AFAP1: variants seen among roughly 807,000 people sequenced by gnomAD.
AFAP1 encodes actin filament associated protein 1.
Under a neutral mutation model 93.9 loss-of-function variants are expected in AFAP1, and 75 were observed. That is an observed-to-expected ratio of 0.80 (90% CI 0.66 to 0.97). The LOEUF (loss-of-function observed/expected upper bound fraction) is 0.97, where lower values mean the gene tolerates loss of function less well. AFAP1 is among the 50% of genes least tolerant of loss of function. The probability of loss-of-function intolerance (pLI) is 0.00; values close to 1 mark genes in which losing one functional copy is unlikely to be tolerated. For missense variants in AFAP1, 1,201 were observed against 1,050.8 expected, an observed-to-expected ratio of 1.14 and a Z score of -1.98; for synonymous variants, 517 against 430.7, an observed-to-expected ratio of 1.20 and a Z score of -2.48.
intron 11 of AFAP1, chr4:7,788,735 T>C (rs1051837374): frequency 3.9e-5 from 6 of 152,210 alleles, no homozygotes; most frequent in African/African-American, 1.4e-4. Context: ...TATGTATACT[T>C]TCTGTCAGCG....
chr4:7,917,044 G>A (rs1419375890), intron 1 of AFAP1, among the ~76,000 whole-genome samples: 2 of 152,192 alleles, frequency 1.3e-5, no homozygotes, highest in Non-Finnish European at 2.9e-5. Flanking sequence ...GTTTGAGCAA[G>A]CAGCTTTGCT....
At chr4:7,798,359 C>T (rs113124605) in intron 10 of AFAP1, among the ~76,000 whole-genome samples, 5 of 126,056 alleles carry the variant, frequency 4.0e-5, no homozygotes, top group Admixed American at 9.0e-5. Flanking sequence ...AGCACTGCAA[C>T]TCTATTGGCT....
At chr4:7,855,341 A>T in intron 4 of AFAP1, 125 bp downstream of exon 4, 1 of 721,572 alleles carries the variant, frequency 1.4e-6, no homozygotes. Flanking sequence ...CTTTGGGTTC[A>T]AAAAGTACTT....
intron 1 of AFAP1, among the ~76,000 whole-genome samples, chr4:7,931,546 ATT>A (rs376570405): frequency 1.2e-4 from 16 of 138,028 alleles, no homozygotes; most frequent in Non-Finnish European, 1.4e-4. Context: ...CACGCCCAGC[ATT>A]TTTTTTTTTT....
At chr4:7,842,955 G>C in intron 5 of AFAP1, 184 bp downstream of exon 5, 3 of 615,598 alleles carry the variant, frequency 4.9e-6, no homozygotes, top group Non-Finnish European at 8.5e-6. Context: ...CACAACACGG[G>C]CGAGTGCTCC....
At chr4:7,845,413 T>C (rs947110237) in intron 4 of AFAP1, among the ~76,000 whole-genome samples, 3 of 132,338 alleles carry the variant, frequency 2.3e-5, no homozygotes, top group Non-Finnish European at 5.5e-5. Flanking sequence ...CAGAACAAGA[T>C]TATTATTATT....
At chr4:7,866,642 G>A (rs1201447933) in intron 3 of AFAP1, among the ~76,000 whole-genome samples, 1 of 152,190 alleles carries the variant, frequency 6.6e-6, no homozygotes, top group East Asian at 1.9e-4. Context: ...GCCAGAAGAG[G>A]AAGCCAGAAA....
At chr4:7,840,265 T>TGTGTGTGTGTGCGC (rs1553844321) in intron 5 of AFAP1, among the ~76,000 whole-genome samples, 1 of 69,946 alleles carries the variant, frequency 1.4e-5, no homozygotes, top group Non-Finnish European at 3.1e-5. Context: ...TTTTGGGATG[T>TGTGTGTGTGTGCGC]GTGTGTGTGT....
At chr4:7,822,182 CCT>C (rs1408210802) in intron 6 of AFAP1, among the ~76,000 whole-genome samples, 17 of 152,292 alleles carry the variant, frequency 1.1e-4, no homozygotes, top group Non-Finnish European at 1.9e-4. Context: ...ATGGAAAACT[CCT>C]GAGCTTCTAC....
chr4:7,875,759 AAAAG>A (rs1717461804), intron 1 of AFAP1, among the ~76,000 whole-genome samples: 1 of 152,262 alleles, frequency 6.6e-6, no homozygotes, highest in Non-Finnish European at 1.5e-5. Flanking sequence ...TCATCCATTA[AAAAG>A]AAAAAAATTC....
At chr4:7,861,728 C>G (rs1036268573) in intron 3 of AFAP1, among the ~76,000 whole-genome samples, 1 of 152,194 alleles carries the variant, frequency 6.6e-6, no homozygotes, top group Non-Finnish European at 1.5e-5. Flanking sequence ...GAATTGAAAA[C>G]AAAGATGCCA....
intron 1 of AFAP1, among the ~76,000 whole-genome samples, chr4:7,922,896 G>T (rs1396170234): frequency 6.6e-6 from 1 of 152,034 alleles, no homozygotes; most frequent in Non-Finnish European, 1.5e-5. Flanking sequence ...CAGGAGGCTG[G>T]GGCAGGAGGA....
chr4:7,903,461 C>T (rs1378290821), intron 1 of AFAP1, among the ~76,000 whole-genome samples: 1 of 152,248 alleles, frequency 6.6e-6, no homozygotes, highest in Non-Finnish European at 1.5e-5. Flanking sequence ...ATGCAGATCA[C>T]CTGAGTTCAG....
chr4:7,775,161 A>C, intron 14 of AFAP1: 1 of 411,718 alleles, frequency 2.4e-6, no homozygotes, highest in African/African-American at 2.0e-5. Flanking sequence ...GGTTTATTCA[A>C]GCAGATAATG....
At chr4:7,899,060 C>A (rs1453916382) in intron 1 of AFAP1, among the ~76,000 whole-genome samples, 1 of 151,296 alleles carries the variant, frequency 6.6e-6, no homozygotes, top group South Asian at 2.1e-4. Context: ...ACCCCACAGC[C>A]TGTCCTTAAC....
At chr4:7,811,235 G>A (rs1161127664) in intron 8 of AFAP1, among the ~76,000 whole-genome samples, 1 of 151,220 alleles carries the variant, frequency 6.6e-6, no homozygotes, top group East Asian at 2.1e-4. Context: ...TTCATCTCCA[G>A]CATGAATCCC....
chr4:7,872,190 T>C lies in AFAP1; in HGVS notation c.-2-110A>G, dbSNP rs371160200. ...TCATGTTTAGCTTGATCATTGGATATAGTATTCTGACCTAAAAAACAAGTT... is the reference window on the plus strand; with the variant it reads ...TCATGTTTAGCTTGATCATTGGATACAGTATTCTGACCTAAAAAACAAGTT... On this transcript the variant is annotated intron_variant, in intron 1 of 17. Transcript: ENST00000420658. 6.0e-5 allele frequency: 83 copies of C among 1,391,850 alleles called. No homozygotes were observed. In the South Asian group the frequency reaches 8.7e-4, roughly 15 times the overall value. The allele number at this position is 1,391,850 out of a possible 1,614,324, so 86.2% of individuals were successfully genotyped here.
intron 13 of AFAP1, among the ~76,000 whole-genome samples, chr4:7,780,362 C>T (rs896816304): frequency 2.6e-5 from 4 of 152,220 alleles, no homozygotes; most frequent in African/African-American, 9.7e-5. Flanking sequence ...TAAGTCACTA[C>T]TATCTATAAT....
intron 17 of AFAP1, among the ~76,000 whole-genome samples, chr4:7,768,310 A>G (rs953870103): frequency 6.6e-6 from 1 of 152,246 alleles, no homozygotes; most frequent in Non-Finnish European, 1.5e-5. Context: ...GTTAGCATCA[A>G]AACTTGCTAG....
Sources: gnomAD v4.1 joint callset for allele counts (sites outside exome capture counted in the v4.1 genomes callset) on GRCh38, gnomAD v4.1.1 for gene constraint, MANE v1.5 for transcripts, NCBI Gene and HGNC (gene_info 2026-07-23, HGNC 2026-07-21) for gene names.